Variants in GRPEL1 observed in about 807,000 individuals in gnomAD.
GRPEL1 encodes the protein grpE protein homolog 1, mitochondrial.
Under a neutral mutation model 22.1 loss-of-function variants are expected in GRPEL1, and 13 were observed. That is an observed-to-expected ratio of 0.59 (90% CI 0.38 to 0.94). The LOEUF is 0.94. Ranked by LOEUF, GRPEL1 falls within the 40% of genes least tolerant of loss-of-function variation. The pLI is 0.00. For missense variants in GRPEL1, 289 were observed against 264.6 expected (o/e 1.09, Z -0.64); for synonymous variants, 109 against 105.3 (o/e 1.03, Z -0.21).
chr4:7,064,455 CATAT>C (rs754938245), intron 1 of GRPEL1: 9 of 351,028 alleles, frequency 2.6e-5, no homozygotes, highest in Admixed American at 1.3e-4. Context: ...CTAAGATAAA[CATAT>C]ATATATTTTT....
chr4:7,064,433 C>G, intron 1 of GRPEL1: 2 of 423,462 alleles, frequency 4.7e-6, no homozygotes, highest in Non-Finnish European at 8.3e-6. Context: ...ATACAATGTG[C>G]CTTTATTAGA....
At chr4:7,063,944 G>T in intron 2 of GRPEL1, 117 bp downstream of exon 2, 1 of 1,206,386 alleles carries the variant, frequency 8.3e-7, no homozygotes, top group Non-Finnish European at 1.1e-6. Flanking sequence ...TGCAGGCCAT[G>T]GACAACGGCT....
intron 3 of GRPEL1, 173 bp from the exon 4 acceptor site, chr4:7,061,381 C>T (rs1391201183): frequency 1.7e-5 from 10 of 588,050 alleles, no homozygotes; most frequent in Non-Finnish European, 3.0e-5. Context: ...TCAAAAGCTA[C>T]TTGTGGGATG....
chr4:7,061,382 T>C (rs1005677240), intron 3 of GRPEL1, 174 bp from the exon 4 acceptor site: 3 of 584,872 alleles, frequency 5.1e-6, no homozygotes, highest in Non-Finnish European at 8.9e-6. Flanking sequence ...CAAAAGCTAC[T>C]TGTGGGATGA....
chr4:7,062,507 TATATA>T lies in GRPEL1; in HGVS notation c.226-46_226-42del, dbSNP rs761276661. The T allele has an allele frequency of 1.4e-3, 819 of 570,930 alleles. 9 individuals are homozygous for T. Among genetic ancestry groups the T allele is most frequent in the Admixed American group, 2.9e-3 (66 of 22,596 alleles). 35.4% of individuals were successfully genotyped at this position (570,930 alleles called of 1,614,324 possible). ...AGGGATATTTATATATATATATATATATATATATCTTTTTTTTTGAGACGGAATCT... is the reference window on the plus strand; with the variant it reads ...AGGGATATTTATATATATATATATATTATCTTTTTTTTTGAGACGGAATCT... On this transcript the variant is annotated intron_variant, in intron 2 of 3. Coordinates refer to ENST00000264954, the MANE Select transcript of GRPEL1 (RefSeq NM_025196.4).
At chr4:7,061,991 T>C (rs1724051977) in intron 3 of GRPEL1, 2 of 153,414 alleles carry the variant, frequency 1.3e-5, no homozygotes, top group Non-Finnish European at 2.9e-5. Context: ...TAAACCTCAA[T>C]GATCTCAACT....
rs1376826202 is a variant in GRPEL1, at chr4:7,059,083, C to T, written c.*1779G>A. 6.6e-6 allele frequency: 1 copy of T among 152,176 alleles called. No homozygotes were observed. Among genetic ancestry groups the T allele is most frequent in the Admixed American group, 6.5e-5 (1 of 15,272 alleles). 9.4% of individuals were successfully genotyped at this position (152,176 alleles called of 1,614,324 possible). A position where few individuals can be genotyped will look rare whatever the true frequency, so the allele number is the denominator to read the frequency against. ...TGTTTTTTAGGTCCATGTAGGTACA[C>T]ATGGTGTTCACAGGAAAAACTGCCT... On this transcript the variant is annotated 3_prime_UTR_variant, in exon 4 of 4. Coordinates refer to ENST00000264954, the MANE Select transcript of GRPEL1 (RefSeq NM_025196.4).
chr4:7,061,661 AAAGGGT>A, intron 3 of GRPEL1: 1 of 163,188 alleles, frequency 6.1e-6, no homozygotes, highest in East Asian at 1.8e-4. Flanking sequence ...TACAGGTCGG[AAAGGGT>A]AAGAACCAAC....
At chr4:7,061,608 G>A in intron 3 of GRPEL1, 1 of 188,910 alleles carries the variant, frequency 5.3e-6, no homozygotes, top group Non-Finnish European at 1.1e-5. Flanking sequence ...CACAGCAAGG[G>A]GAGAGAAGAG....
At chr4:7,062,978 T>C (rs1724080768) in intron 2 of GRPEL1, among the ~76,000 whole-genome samples, 1 of 152,234 alleles carries the variant, frequency 6.6e-6, no homozygotes, top group Non-Finnish European at 1.5e-5. Context: ...TCATGATCTT[T>C]TGCTATGCTG....
At chr4:7,066,489 T>C (rs1375872195) in intron 1 of GRPEL1, among the ~76,000 whole-genome samples, 1 of 152,208 alleles carries the variant, frequency 6.6e-6, no homozygotes, top group Non-Finnish European at 1.5e-5. Flanking sequence ...CTTAGATCTG[T>C]GGAAAGAAGT....
chr4:7,064,685 G>T (rs1724126059), intron 1 of GRPEL1, among the ~76,000 whole-genome samples: 1 of 152,018 alleles, frequency 6.6e-6, no homozygotes, highest in East Asian at 1.9e-4. Context: ...TTTTAGTAGC[G>T]ATGGGGTTTC....
Position 7,060,316 on chromosome 4 carries a change from ATT to A in GRPEL1, c.*544_*545del, listed in dbSNP as rs1234764832. ...GGGAGAACTGTCAGTGCCCACACCC[ATT>A]TCTCAGTGGTCAGTTTCAGCCGCTG... On this transcript the variant is annotated 3_prime_UTR_variant, in exon 4 of 4. Transcript: ENST00000264954. 1 of 153,734 alleles carries A rather than the reference ATT, an allele frequency of 6.5e-6. No homozygotes were observed. Among genetic ancestry groups the A allele is most frequent in the African/African-American group, 2.4e-5 (1 of 41,420 alleles). 9.5% of individuals were successfully genotyped at this position (153,734 alleles called of 1,614,324 possible).
chr4:7,066,049 G>A (rs1400173709), intron 1 of GRPEL1, among the ~76,000 whole-genome samples: 1 of 152,026 alleles, frequency 6.6e-6, no homozygotes, highest in Non-Finnish European at 1.5e-5. Flanking sequence ...GTAGAGACGG[G>A]GTTTCACTGT....
At chr4:7,063,411 A>G (rs1463004804) in intron 2 of GRPEL1, among the ~76,000 whole-genome samples, 1 of 152,084 alleles carries the variant, frequency 6.6e-6, no homozygotes, top group Non-Finnish European at 1.5e-5. Flanking sequence ...AACATTTACT[A>G]AGTTGCTCTG....
chr4:7,063,230 C>T (rs1373443205), intron 2 of GRPEL1, among the ~76,000 whole-genome samples: 2 of 151,936 alleles, frequency 1.3e-5, no homozygotes, highest in East Asian at 1.9e-4. Flanking sequence ...GCTGGGACTA[C>T]AGGAGTGCAC....
At position 7,060,360 on chromosome 4, in the gene GRPEL1, G is replaced by A. The variant is rs953343693; in HGVS notation, c.*502C>T. 4 of 154,700 alleles carry A rather than the reference G, an allele frequency of 2.6e-5. No homozygotes were observed. Among genetic ancestry groups the A allele is most frequent in the Non-Finnish European group, 2.9e-5 (2 of 69,422 alleles). The allele number at this position is 154,700 out of a possible 1,614,324, so 9.6% of individuals were successfully genotyped here. On this transcript the variant is annotated 3_prime_UTR_variant, in exon 4 of 4. Transcript: ENST00000264954. ...CAGCCGCTGTTGACTGAAGACAAAC[G>A]AACTCACTATGTTCTTCACAAAGAT... is the stretch of plus-strand genomic sequence containing the variant.
chr4:7,064,032 C>T (rs781062381), intron 2 of GRPEL1, 29 bp downstream of exon 2: 13 of 1,604,972 alleles, frequency 8.1e-6, no homozygotes, highest in South Asian at 3.3e-5. Flanking sequence ...CAGCCGAGCC[C>T]GCCCCCACAG....
At position 7,059,930 on chromosome 4, in the gene GRPEL1, A is replaced by G. The variant is rs771338425; in HGVS notation, c.*932T>C. The G allele has an allele frequency of 2.0e-5, 3 of 152,166 alleles. No homozygotes were observed. The highest frequency in any genetic ancestry group is 2.9e-5 in the Non-Finnish European group (2 of 68,036). 9.4% of individuals were successfully genotyped at this position (152,166 alleles called of 1,614,324 possible). A position where few individuals can be genotyped will look rare whatever the true frequency, so the allele number is the denominator to read the frequency against. On this transcript the variant is annotated 3_prime_UTR_variant, in exon 4 of 4. Transcript: ENST00000264954. Reference sequence around the variant, plus strand: ...GAAGCCTGTATATGTGTGTACGTGAATGTGCACGCACGCACGTGTCAAGCT... The same window carrying G: ...GAAGCCTGTATATGTGTGTACGTGAGTGTGCACGCACGCACGTGTCAAGCT...
Sources: allele counts gnomAD v4.1 joint callset (sites outside exome capture counted in the v4.1 genomes callset), GRCh38; gene constraint gnomAD v4.1.1; transcripts MANE v1.5; gene names NCBI Gene and HGNC (gene_info 2026-07-23, HGNC 2026-07-21).